The following AGPAT3 variants were observed in gnomAD, a reference collection of about 807,000 sequenced individuals.
AGPAT3 encodes 1-acyl-sn-glycerol-3-phosphate acyltransferase gamma.
AGPAT3 carries 5 observed loss-of-function variants against 47.3 expected under a neutral mutation model. The observed-to-expected ratio is 0.11, with a 90% CI of 0.06 to 0.22. The LOEUF is 0.22. Ranked by LOEUF, AGPAT3 falls within the 10% of genes least tolerant of loss-of-function variation. The pLI is 1.00. For synonymous variants in AGPAT3, 212 were observed against 208.3 expected (o/e 1.02, Z -0.15); for missense variants, 315 against 493.0 (o/e 0.64, Z 3.42).
chr21:43,969,483 T>G (rs2089303134), intron 5 of AGPAT3, among the ~76,000 whole-genome samples: 1 of 152,124 alleles, frequency 6.6e-6, no homozygotes, highest in African/African-American at 2.4e-5. Flanking sequence ...CTCGCCGCAA[T>G]CCCAGCTCTG....
chr21:43,969,273 C>T lies in AGPAT3; in HGVS notation c.504C>T (p.Tyr168=), dbSNP rs1462723615. ...GGCGCCTGTCGGACTACCCCGAGTA[C>T]ATGTGGGTGAGTGCGCGGAGCAGCC... ...GLRRLSDYPE[Y]MWFLLYCEGT... The change falls in exon 5 of 10, where the codon TAC becomes TAT. Residue 168 remains tyrosine (Y), a synonymous_variant. Transcript: ENST00000291572. 1.9e-6 allele frequency: 3 copies of T among 1,614,088 alleles called. No individual in the cohort carries two copies. Among genetic ancestry groups the T allele is most frequent in the Non-Finnish European group, 1.7e-6 (2 of 1,180,030 alleles).
intron 2 of AGPAT3, among the ~76,000 whole-genome samples, chr21:43,917,446 C>T (rs985479428): frequency 6.6e-6 from 1 of 152,240 alleles, no homozygotes; most frequent in Non-Finnish European, 1.5e-5. Flanking sequence ...TCTGTGTGTC[C>T]TCTCTGCCTT....
intron 2 of AGPAT3, among the ~76,000 whole-genome samples, chr21:43,936,279 C>A (rs114028604): frequency 2.1e-3 from 318 of 152,376 alleles, no homozygotes; most frequent in African/African-American, 7.1e-3. Flanking sequence ...GGCACCAGGC[C>A]TCCAACCCCA....
chr21:43,972,397 C>T (rs375740734), intron 7 of AGPAT3, among the ~76,000 whole-genome samples: 40 of 152,272 alleles, frequency 2.6e-4, no homozygotes, highest in African/African-American at 8.7e-4. Context: ...CTGCCTGCCT[C>T]GGCCTCCCAA....
At chr21:43,882,702 A>T (rs1360084728) in intron 1 of AGPAT3, 1 of 152,296 alleles carries the variant, frequency 6.6e-6, no homozygotes, top group African/African-American at 2.4e-5. Flanking sequence ...CCCTCCATAA[A>T]CATCTAGGGC....
intron 1 of AGPAT3, among the ~76,000 whole-genome samples, chr21:43,865,561 C>T (rs1277076120): frequency 6.7e-6 from 1 of 149,180 alleles, no homozygotes; most frequent in African/African-American, 2.4e-5. Context: ...GGGCCCGGGT[C>T]CTGTGCGCCC....
chr21:43,980,272 T>C (rs182931032), intron 8 of AGPAT3, among the ~76,000 whole-genome samples: 2 of 117,982 alleles, frequency 1.7e-5, no homozygotes, highest in African/African-American at 7.6e-5. Context: ...TGAGACTCCA[T>C]CTCAAAAAAA....
intron 2 of AGPAT3, among the ~76,000 whole-genome samples, chr21:43,957,921 T>C (rs2146583959): frequency 6.6e-6 from 1 of 152,154 alleles, no homozygotes; most frequent in African/African-American, 2.4e-5. Flanking sequence ...CTGTGAGACG[T>C]GCGTAGAAGG....
chr21:43,866,660 T>C (rs777153182), intron 1 of AGPAT3: 6 of 152,222 alleles, frequency 3.9e-5, no homozygotes, highest in Non-Finnish European at 5.9e-5. Context: ...CTTGTATCCA[T>C]TTCTGGTTAG....
chr21:43,962,158 T>A (rs1056803355), intron 3 of AGPAT3, among the ~76,000 whole-genome samples: 2 of 151,900 alleles, frequency 1.3e-5, no homozygotes, highest in African/African-American at 2.4e-5. Context: ...CCGCCACCAC[T>A]CCTGGCTAAT....
At chr21:43,913,826 G>C (rs2086677065) in intron 2 of AGPAT3, among the ~76,000 whole-genome samples, 1 of 152,176 alleles carries the variant, frequency 6.6e-6, no homozygotes, top group Non-Finnish European at 1.5e-5. Context: ...AAAATGCCAG[G>C]AGTACCGAGG....
chr21:43,977,022 A>C (rs1252558741), intron 7 of AGPAT3, among the ~76,000 whole-genome samples: 1 of 152,176 alleles, frequency 6.6e-6, no homozygotes, highest in African/African-American at 2.4e-5. Context: ...TCAAATTCCA[A>C]CTGACTTTTA....
chr21:43,914,569 G>C (rs2086690718), intron 2 of AGPAT3, among the ~76,000 whole-genome samples: 1 of 150,976 alleles, frequency 6.6e-6, no homozygotes, highest in African/African-American at 2.5e-5. Context: ...TTTTGTTTTA[G>C]AGCTGAAGTC....
At chr21:43,959,579 C>T in intron 2 of AGPAT3, 55 bp from the exon 3 acceptor site, 1 of 1,534,618 alleles carries the variant, frequency 6.5e-7, no homozygotes, top group Non-Finnish European at 8.9e-7. Flanking sequence ...CCCGGTGTTC[C>T]TGTGAGGGTG....
rs2030131387 is a variant in AGPAT3 at position 43,985,102 on chromosome 21, T to C, written c.*2710T>C. 3 of 456,048 alleles carry C rather than the reference T, an allele frequency of 6.6e-6. No individual in the cohort carries two copies. Among genetic ancestry groups the C allele is most frequent in the African/African-American group, 4.0e-5 (2 of 50,046 alleles). 28.3% of individuals were successfully genotyped at this position (456,048 alleles called of 1,614,324 possible). A position where few individuals can be genotyped will look rare whatever the true frequency, so the allele number is the denominator to read the frequency against. On this transcript the variant is annotated 3_prime_UTR_variant, in exon 10 of 10. Transcript: ENST00000291572. ...CCCACGGGCGTCTGGCCGGTCAAGC[T>C]CCCAGCCTGGGCCGTGGTCTCCTGG...
chr21:43,886,388 G>T (rs557245863), intron 1 of AGPAT3, among the ~76,000 whole-genome samples: 2 of 152,134 alleles, frequency 1.3e-5, no homozygotes, highest in African/African-American at 2.4e-5. Context: ...CGAATAGCTG[G>T]GATTACAGCC....
At position 43,955,242 on chromosome 21, in the gene AGPAT3, G is replaced by A. The variant is rs957040233; in HGVS notation, c.-48-4392G>A. On this transcript the variant is annotated intron_variant, in intron 2 of 9. Transcript: ENST00000291572. This position sits in a 1 kb window ranked among gnomAD's most constrained non-coding sequence, Gnocchi z 4.1. ...TCTGTGTTTGTGAACCTCTAGAAAA[G>A]GTAAATTAACCTATAGAGCTGGAAA... The A allele has an allele frequency of 5.7e-6, 7 of 1,220,224 alleles. No homozygotes were observed. Among genetic ancestry groups the A allele is most frequent in the Non-Finnish European group, 7.4e-6 (7 of 948,668 alleles). 75.6% of individuals were successfully genotyped at this position (1,220,224 alleles called of 1,614,324 possible).
At chr21:43,873,593 G>A (rs150433132) in intron 1 of AGPAT3, among the ~76,000 whole-genome samples, 39 of 152,302 alleles carry the variant, frequency 2.6e-4, no homozygotes, top group Admixed American at 2.2e-3. Flanking sequence ...GGCCAGGCTG[G>A]TCTCGAACTC....
chr21:43,945,866 C>G (rs947631156), intron 2 of AGPAT3, among the ~76,000 whole-genome samples: 3 of 152,220 alleles, frequency 2.0e-5, no homozygotes, highest in Non-Finnish European at 4.4e-5. Context: ...CATGCTTGCA[C>G]AGGAGCGTGG....
Sources: gnomAD v4.1 joint callset for allele counts (sites outside exome capture counted in the v4.1 genomes callset) on GRCh38, gnomAD v4.1.1 for gene constraint, Gnocchi (gnomAD v3.1) non-coding constraint, MANE v1.5 for transcripts, NCBI Gene and HGNC (gene_info 2026-07-23, HGNC 2026-07-21) for gene names.